The following IMMP2L variants were observed in gnomAD, a reference collection of about 807,000 sequenced individuals.
IMMP2L encodes inner mitochondrial membrane peptidase subunit 2, also known as mitochondrial inner membrane protease subunit 2.
IMMP2L carries 18 observed loss-of-function variants against 19.3 expected under a neutral mutation model. That is an observed-to-expected ratio of 0.93 (90% CI 0.64 to 1.38). The LOEUF (loss-of-function observed/expected upper bound fraction) is 1.38, where lower values mean the gene tolerates loss of function less well. IMMP2L is among the 40% of genes most tolerant of loss of function. The pLI, the probability that IMMP2L is intolerant of heterozygous loss-of-function variation, is 0.00. For synonymous variants in IMMP2L, 76 were observed against 73.0 expected, an observed-to-expected ratio of 1.04 and a Z score of -0.21; for missense variants, 233 against 218.2, an observed-to-expected ratio of 1.07 and a Z score of -0.43.
At chr7:110,668,138 C>G (rs143343382) in intron 5 of IMMP2L, among the ~76,000 whole-genome samples, 58 of 152,136 alleles carry the variant, frequency 3.8e-4, no homozygotes, top group African/African-American at 1.3e-3. Flanking sequence ...CCCCACCTAA[C>G]CCTAGTGATT....
At chr7:111,124,318 T>G in intron 3 of IMMP2L, 2 of 1,613,828 alleles carry the variant, frequency 1.2e-6, no homozygotes. Flanking sequence ...AGTGGATGGA[T>G]CTTTTCCACA....
rs554787029 is a variant in IMMP2L, at chr7:111,460,878, C to T, written c.239+26360G>A. Among the ~76,000 whole-genome samples the T allele has an allele frequency of 2.6e-5, 4 of 152,200 alleles. No individual in the cohort carries two copies. The East Asian group carries it at 7.7e-4, about 29-fold the overall frequency. On this transcript the variant is annotated intron_variant, in intron 3 of 5. Coordinates refer to ENST00000405709, the MANE Select transcript of IMMP2L (RefSeq NM_032549.4). ...CCCACAAAACTGTAAGACTATGACA[C>T]TAGTAAATCATTATTCAGCATTTTA...
intron 5 of IMMP2L, among the ~76,000 whole-genome samples, chr7:110,744,104 T>C (rs1178637717): frequency 6.6e-6 from 1 of 152,106 alleles, no homozygotes; most frequent in Non-Finnish European, 1.5e-5. Flanking sequence ...GAGGCTTAAG[T>C]AGGTGGTTTC....
intron 4 of IMMP2L, among the ~76,000 whole-genome samples, chr7:110,943,763 G>A (rs188035621): frequency 8.0e-4 from 122 of 152,044 alleles, no homozygotes; most frequent in Non-Finnish European, 8.8e-4. Context: ...TGACTGACAC[G>A]GGGCCCATTT....
chr7:111,252,175 G>C (rs1179718343), intron 3 of IMMP2L, among the ~76,000 whole-genome samples: 4 of 151,784 alleles, frequency 2.6e-5, no homozygotes, highest in African/African-American at 7.3e-5. Context: ...TCACATGCAG[G>C]ATACCTTCCC....
intron 3 of IMMP2L, among the ~76,000 whole-genome samples, chr7:111,290,550 T>C (rs947638243): frequency 2.6e-5 from 4 of 151,952 alleles, no homozygotes; most frequent in African/African-American, 2.4e-5. Context: ...ACCCTACTTA[T>C]GTCAGAGGTC....
chr7:110,782,679 T>C (rs955892781), intron 5 of IMMP2L, among the ~76,000 whole-genome samples: 1 of 151,962 alleles, frequency 6.6e-6, no homozygotes, highest in Non-Finnish European at 1.5e-5. Flanking sequence ...AGGTACTTAC[T>C]ATGTGCTAGG....
At chr7:110,732,647 T>A (rs966809805) in intron 5 of IMMP2L, among the ~76,000 whole-genome samples, 1 of 152,188 alleles carries the variant, frequency 6.6e-6, no homozygotes, top group African/African-American at 2.4e-5. Context: ...AATAACTGGT[T>A]TTTTTAGGAA....
At chr7:111,438,153 T>C (rs931830142) in intron 3 of IMMP2L, among the ~76,000 whole-genome samples, 19 of 151,796 alleles carry the variant, frequency 1.3e-4, no homozygotes, top group African/African-American at 4.4e-4. Context: ...TAAAGGCCAA[T>C]ATGAATGAAT....
At chr7:111,091,060 C>T (rs182923284) in intron 3 of IMMP2L, 10 of 152,322 alleles carry the variant, frequency 6.6e-5, no homozygotes, top group Non-Finnish European at 1.5e-5. Context: ...CTGTCTGAAG[C>T]GATTGGCTCC....
At position 110,757,321 on chromosome 7, in the gene IMMP2L, A is replaced by ATT. The variant is rs35841375; in HGVS notation, c.409-93602_409-93601dup. Among the ~76,000 whole-genome samples, 2 of 151,876 alleles carry ATT rather than the reference A, an allele frequency of 1.3e-5. No individual in the cohort carries two copies. The highest frequency in any genetic ancestry group is 2.9e-5 in the Non-Finnish European group (2 of 67,938). Reference sequence around the variant, plus strand: ...CACCATCACCATCTAGAGCTTAATAATTTTTTAACAAGCTATTCTGCATTT... The same window carrying ATT: ...CACCATCACCATCTAGAGCTTAATAATTTTTTTTAACAAGCTATTCTGCATTT... On this transcript the variant is annotated intron_variant, in intron 5 of 5. Coordinates refer to ENST00000405709, the MANE Select transcript of IMMP2L (RefSeq NM_032549.4). This position sits in a 1 kb window ranked among gnomAD's most constrained non-coding sequence, Gnocchi z 4.2.
intron 1 of IMMP2L, among the ~76,000 whole-genome samples, chr7:111,547,090 T>C (rs1174546822): frequency 6.6e-6 from 1 of 152,190 alleles, no homozygotes; most frequent in Non-Finnish European, 1.5e-5. Flanking sequence ...AGAACCATTT[T>C]AAGCAGCAGA....
chr7:110,809,623 A>T (rs1271705049), intron 5 of IMMP2L, among the ~76,000 whole-genome samples: 1 of 152,042 alleles, frequency 6.6e-6, no homozygotes, highest in Non-Finnish European at 1.5e-5. Context: ...TGTAAAATAC[A>T]TTATGAACTA....
intron 3 of IMMP2L, among the ~76,000 whole-genome samples, chr7:111,381,238 T>C (rs1262204428): frequency 1.3e-5 from 2 of 151,860 alleles, no homozygotes; most frequent in African/African-American, 2.4e-5. Context: ...AAGCTGAGAT[T>C]TTTTTGACCT....
chr7:111,217,650 A>C (rs1053068125), intron 3 of IMMP2L, among the ~76,000 whole-genome samples: 8 of 152,148 alleles, frequency 5.3e-5, no homozygotes, highest in African/African-American at 1.9e-4. Context: ...CCTTTACTTT[A>C]TCTTTTATAA....
intron 5 of IMMP2L, among the ~76,000 whole-genome samples, chr7:110,860,670 A>G (rs1331801031): frequency 6.6e-6 from 1 of 152,134 alleles, no homozygotes; most frequent in African/African-American, 2.4e-5. Flanking sequence ...TGATGCTGCA[A>G]CTATACTGAC....
At chr7:110,741,178 T>C (rs940144754) in intron 5 of IMMP2L, among the ~76,000 whole-genome samples, 2 of 152,210 alleles carry the variant, frequency 1.3e-5, no homozygotes, top group Admixed American at 1.3e-4. Flanking sequence ...TAATGGCATT[T>C]GCAGCAACCT....
At chr7:111,303,771 C>A (rs1259940971) in intron 3 of IMMP2L, among the ~76,000 whole-genome samples, 3 of 152,030 alleles carry the variant, frequency 2.0e-5, no homozygotes, top group East Asian at 1.9e-4. Flanking sequence ...ATCAATCTCA[C>A]CACCTTTACT....
At chr7:111,182,726 A>C (rs1013668091) in intron 3 of IMMP2L, among the ~76,000 whole-genome samples, 35 of 152,042 alleles carry the variant, frequency 2.3e-4, no homozygotes, top group African/African-American at 8.0e-4. Flanking sequence ...GATTTCAAGA[A>C]TGAATTTAGT....
Sources: allele counts gnomAD v4.1 joint callset (sites outside exome capture counted in the v4.1 genomes callset), GRCh38; gene constraint gnomAD v4.1.1; non-coding constraint Gnocchi (gnomAD v3.1); transcripts MANE v1.5; gene names NCBI Gene and HGNC (gene_info 2026-07-23, HGNC 2026-07-21).